Variants in NUP160 observed in about 807,000 individuals in gnomAD.
The protein encoded by NUP160 is nucleoporin 160.
In NUP160, 94 loss-of-function variants were observed where a neutral mutation model predicts 196.9. The ratio of observed to expected loss-of-function variants is 0.48; its 90% CI spans 0.40 to 0.57. NUP160 has a LOEUF of 0.57. NUP160 is among the 20% of genes least tolerant of loss of function. NUP160 has a pLI of 0.00. For missense variants in NUP160, 1,638 were observed against 1,748.3 expected (o/e 0.94, Z 1.13); for synonymous variants, 605 against 619.7 (o/e 0.98, Z 0.35).
At position 47,786,691 on chromosome 11, in the gene NUP160, C is replaced by T. The variant is rs2097664727; in HGVS notation, c.3747-137G>A. On this transcript the variant is annotated intron_variant, in intron 31 of 35. Transcript: ENST00000378460. ...ATTCACTACTGGAATATTGGCTCAT[C>T]TCTTCCTCAAGTTACACAACTGGAT... 4.8e-6 allele frequency: 3 copies of T among 621,734 alleles called. No homozygotes were observed. The East Asian group carries it at 8.4e-5, about 17-fold the overall frequency. 38.5% of individuals were successfully genotyped at this position (621,734 alleles called of 1,614,324 possible).
intron 34 of NUP160, among the ~76,000 whole-genome samples, chr11:47,781,202 G>A (rs780655645): frequency 1.3e-4 from 20 of 151,884 alleles, no homozygotes; most frequent in African/African-American, 4.1e-4. Flanking sequence ...AAGCCTGGGC[G>A]ACAGAGCGAG....
At chr11:47,798,111 T>C in intron 25 of NUP160, 37 bp from the exon 26 acceptor site, 1 of 1,536,382 alleles carries the variant, frequency 6.5e-7, no homozygotes, top group South Asian at 1.1e-5. Context: ...GCAAACTATC[T>C]TAGTAGGTTA....
intron 24 of NUP160, 50 bp downstream of exon 24, chr11:47,798,318 C>G: frequency 6.5e-7 from 1 of 1,533,730 alleles, no homozygotes; most frequent in Non-Finnish European, 9.0e-7. Context: ...GAACATACCA[C>G]ACCCACAACA....
exon 11 of NUP160, chr11:47,818,069 C>A: frequency 6.2e-7 from 1 of 1,609,708 alleles, no homozygotes; most frequent in Non-Finnish European, 8.5e-7. Context: ...TAAAGCCTTA[C>A]ATAAAGCTTC....
chr11:47,802,156 G>C (rs1344913759), intron 22 of NUP160, among the ~76,000 whole-genome samples: 1 of 152,220 alleles, frequency 6.6e-6, no homozygotes, highest in Non-Finnish European at 1.5e-5. Flanking sequence ...ACATTGGCCG[G>C]GTGGGGTGGC....
At chr11:47,788,157 T>C (rs369142037) in intron 31 of NUP160, 25 bp downstream of exon 31, 1 of 1,588,894 alleles carries the variant, frequency 6.3e-7, no homozygotes, top group Non-Finnish European at 8.6e-7. Context: ...TAGAAAAGAC[T>C]ATAAAAAAAT....
intron 29 of NUP160, among the ~76,000 whole-genome samples, chr11:47,789,323 A>G (rs549673899): frequency 3.6e-4 from 55 of 152,248 alleles, no homozygotes; most frequent in African/African-American, 1.3e-3. Context: ...TAACTATTAT[A>G]ATTGTGAAAT....
intron 31 of NUP160, 52 bp downstream of exon 31, chr11:47,788,130 G>C: frequency 6.8e-7 from 1 of 1,478,532 alleles, no homozygotes; most frequent in Non-Finnish European, 9.3e-7. Flanking sequence ...CTGAGCAAGA[G>C]GATAATATAT....
In NUP160 at chr11:47,782,300, AAAAATATATATATATATAT is replaced by A. The variant is rs1440257246; in HGVS notation, c.4116+754_4116+772del. Among the ~76,000 whole-genome samples, 17 of 42,522 alleles carry A rather than the reference AAAAATATATATATATATAT, an allele frequency of 4.0e-4. No individual in the cohort carries two copies. In the South Asian group the frequency reaches 8.6e-3, roughly 22 times the overall value. 27.9% of individuals were successfully genotyped at this position (42,522 alleles called of 152,430 possible). A position where few individuals can be genotyped will look rare whatever the true frequency, so the allele number is the denominator to read the frequency against. On this transcript the variant is annotated intron_variant, in intron 34 of 35. Coordinates refer to ENST00000378460, the Ensembl canonical transcript of NUP160. ...GAGCAAAACTCAGTTAAAAAAAAAAAAAAATATATATATATATATATATATATATATATATATATATATA... is the reference window on the plus strand; with the variant it reads ...GAGCAAAACTCAGTTAAAAAAAAAAAATATATATATATATATATATATATA...
chr11:47,813,425 C>G lies in NUP160; in HGVS notation c.1687-10G>C. On this transcript the variant is annotated splice_polypyrimidine_tract_variant and intron_variant, in intron 13 of 35. Transcript: ENST00000378460. ...GGAAAGACAGGTACCCCTGGAAATA[C>G]AAATTTTCCAGTTACATTTTTGTCA... is the stretch of plus-strand genomic sequence containing the variant. 6 of 1,549,370 alleles carry G rather than the reference C, an allele frequency of 3.9e-6. No individual in the cohort carries two copies. The highest frequency in any genetic ancestry group is 1.1e-5 in the South Asian group (1 of 88,758).
At chr11:47,840,707 G>C in intron 2 of NUP160, 119 bp from the exon 3 acceptor site, 1 of 690,258 alleles carries the variant, frequency 1.4e-6, no homozygotes, top group Non-Finnish European at 2.4e-6. Context: ...TGGATAAACA[G>C]ATTTGGACCA....
At chr11:47,819,681 T>C (rs373901759) in intron 9 of NUP160, among the ~76,000 whole-genome samples, 43 of 152,268 alleles carry the variant, frequency 2.8e-4, no homozygotes, top group African/African-American at 1.0e-3. Flanking sequence ...ATAATTATCT[T>C]CCTAAAATTG....
intron 31 of NUP160, chr11:47,786,887 C>T: frequency 3.8e-6 from 1 of 261,462 alleles, no homozygotes; most frequent in Non-Finnish European, 7.7e-6. Context: ...CTCCCAGGTT[C>T]AAGTGATTCT....
chr11:47,825,638 A>T (rs769219274), intron 7 of NUP160, among the ~76,000 whole-genome samples: 1 of 151,970 alleles, frequency 6.6e-6, no homozygotes, highest in Non-Finnish European at 1.5e-5. Flanking sequence ...ATTTTAGTAG[A>T]GACAGGGTTT....
In NUP160 at chr11:47,815,655, AAAG is replaced by A; in HGVS notation, c.1516-9_1516-7del. 6.4e-7 allele frequency: 1 copy of A among 1,573,584 alleles called. No homozygotes were observed. Among genetic ancestry groups the A allele is most frequent in the Non-Finnish European group, 8.6e-7 (1 of 1,165,830 alleles). On this transcript the variant is annotated splice_polypyrimidine_tract_variant and splice_region_variant and intron_variant, in intron 12 of 35. Coordinates refer to ENST00000378460, the Ensembl canonical transcript of NUP160. Reference sequence around the variant, plus strand: ...TCTGTTACACTTCCTTGAAGCTGGCAAAGAAGAAATGAAAGAAATTAAACTTTT... The same window carrying A: ...TCTGTTACACTTCCTTGAAGCTGGCAAAGAAATGAAAGAAATTAAACTTTT...
chr11:47,785,106 T>TTTTTTTTTTTTTTTTTTTTG (rs778039579), intron 32 of NUP160, 43 bp from the exon 33 acceptor site: 5 of 982,356 alleles, frequency 5.1e-6, no homozygotes, highest in Non-Finnish European at 7.1e-6. Context: ...AGATTCTTAA[T>TTTTTTTTTTTTTTTTTTTTG]AGCTATTTAG....
intron 33 of NUP160, 60 bp from the exon 34 acceptor site, chr11:47,783,258 A>G: frequency 1.3e-6 from 2 of 1,558,922 alleles, no homozygotes; most frequent in Non-Finnish European, 1.7e-6. Context: ...AGTACTGACC[A>G]AAGAATGTTG....
At position 47,789,475 on chromosome 11, in the gene NUP160, TAAAAAAA is replaced by T. The variant is rs145952120; in HGVS notation, c.3512-871_3512-865del. Reference sequence around the variant, plus strand: ...CTGTGGAAATAGCAAAAGAACTTGATAAAAAAAAAGCTTGGAACTAAGCTGATTTAAA... The same window carrying T: ...CTGTGGAAATAGCAAAAGAACTTGATAAGCTTGGAACTAAGCTGATTTAAA... On this transcript the variant is annotated intron_variant, in intron 29 of 35. Coordinates refer to ENST00000378460, the Ensembl canonical transcript of NUP160. 2.0e-5 allele frequency among the ~76,000 whole-genome samples: 3 copies of T among 150,784 alleles called. No homozygotes were observed. In the East Asian group the frequency reaches 5.8e-4, roughly 29 times the overall value.
At chr11:47,824,048 TATATACAC>T (rs1851920115) in intron 7 of NUP160, among the ~76,000 whole-genome samples, 1 of 101,200 alleles carries the variant, frequency 9.9e-6, no homozygotes, top group African/African-American at 3.9e-5. Context: ...TATATATATA[TATATACAC>T]ACACACATAG....
Sources: gnomAD v4.1 joint callset for allele counts (sites outside exome capture counted in the v4.1 genomes callset) on GRCh38, gnomAD v4.1.1 for gene constraint, MANE v1.5 for transcripts, NCBI Gene and HGNC (gene_info 2026-07-23, HGNC 2026-07-21) for gene names.